The following NBPF12 variants were observed in gnomAD, a reference collection of about 807,000 sequenced individuals.
NBPF12 encodes NBPF family member NBPF12.
Under a neutral mutation model 146.4 loss-of-function variants are expected in NBPF12, and 115 were observed. The ratio of observed to expected loss-of-function variants is 0.79; its 90% CI spans 0.68 to 0.92. The LOEUF is 0.92. Among genes scored for constraint, NBPF12 ranks in the 40% least tolerant of loss-of-function variants. NBPF12 has a pLI of 0.00. For missense variants in NBPF12, 1,205 were observed against 1,326.8 expected (o/e 0.91, Z 1.43); for synonymous variants, 385 against 508.9 (o/e 0.76, Z 3.28).
At chr1:146,947,029 T>C (rs1466499366), upstream of NBPF12, among the ~76,000 whole-genome samples, 1 of 151,986 alleles carries the variant, frequency 6.6e-6, no homozygotes, top group Non-Finnish European at 1.5e-5. Flanking sequence ...TCCATGCATC[T>C]ATTTGTGTGT....
At chr1:146,971,204 A>T (rs1553886355) in exon 13 of NBPF12, 4 of 1,609,348 alleles carry the variant, frequency 2.5e-6, no homozygotes, top group Non-Finnish European at 3.4e-6. Context: ...AGGCTGAAGA[A>T]AGCAAAGTCC....
chr1:146,966,372 C>T (rs1656210730), intron 8 of NBPF12, 92 bp from the exon 12 acceptor site: 1 of 1,110,232 alleles, frequency 9.0e-7, no homozygotes, highest in East Asian at 2.3e-5. Context: ...AATAAGTACA[C>T]AAGGCTGCCA....
intron 13 of NBPF12, among the ~76,000 whole-genome samples, chr1:146,972,086 TAAA>T (rs1187228872): frequency 7.4e-5 from 9 of 120,960 alleles, no homozygotes; most frequent in Admixed American, 1.7e-4. Flanking sequence ...AGACTCCATC[TAAA>T]AAAAAAAAAA....
chr1:146,957,876 A>T (rs1341157299), intron 2 of NBPF12, among the ~76,000 whole-genome samples: 2 of 54,782 alleles, frequency 3.7e-5, no homozygotes, highest in Admixed American at 4.3e-4. Context: ...TATATATTGT[A>T]TATTATGTAT....
intron 13 of NBPF12, among the ~76,000 whole-genome samples, chr1:146,971,725 T>A (rs1332147245): frequency 6.6e-6 from 1 of 150,722 alleles, no homozygotes; most frequent in Non-Finnish European, 1.5e-5. Context: ...ATCCTCCCAC[T>A]CTCGTTCACT....
rs1440335481 is a variant in NBPF12 at position 146,960,849 on chromosome 1, C to T, written c.175+531C>T. Among the ~76,000 whole-genome samples the T allele has an allele frequency of 3.0e-3, 461 of 152,080 alleles. 8 individuals are homozygous for T. The highest frequency in any genetic ancestry group is 0.011 in the African/African-American group (442 of 41,402). ...CTGTGCTATCTATAAGTGACAGCAT[C>T]AAGAGCAGGGAGTAGGGGCCGTGCA... On this transcript the variant is annotated intron_variant, in intron 4 of 33. Transcript: ENST00000617844.
At chr1:146,949,150 G>A (rs1434707100), upstream of NBPF12, among the ~76,000 whole-genome samples, 30 of 152,102 alleles carry the variant, frequency 2.0e-4, no homozygotes, top group Middle Eastern at 3.4e-3. Flanking sequence ...TGGGTCCTCC[G>A]GCATGGGTCC....
chr1:146,951,250 C>T (rs1304329792), intron 1 of NBPF12, 98 bp from the exon 5 acceptor site: 1 of 680,804 alleles, frequency 1.5e-6, no homozygotes, highest in Non-Finnish European at 2.6e-6. Flanking sequence ...CTCAAGTGAA[C>T]AGGGCATGGG....
intron 10 of NBPF12, among the ~76,000 whole-genome samples, chr1:146,968,784 T>C (rs1378359871): frequency 6.6e-6 from 1 of 151,432 alleles, no homozygotes; most frequent in Non-Finnish European, 1.5e-5. Context: ...TAATTGTTGA[T>C]GTGAAATTTA....
intron 14 of NBPF12, among the ~76,000 whole-genome samples, chr1:146,974,247 A>C (rs1440400155): frequency 2.0e-5 from 3 of 146,406 alleles, no homozygotes; most frequent in Non-Finnish European, 4.4e-5. Context: ...TGATTCTTAA[A>C]ATCATAACTG....
intron 31 of NBPF12, among the ~76,000 whole-genome samples, chr1:146,992,437 TCTCTCTC>T (rs1658235046): frequency 1.3e-5 from 1 of 76,986 alleles, no homozygotes; most frequent in African/African-American, 6.1e-5. Context: ...GAGCTCGTTC[TCTCTCTC>T]TCTCTCTCTC....
At position 146,982,602 on chromosome 1, in the gene NBPF12, C is replaced by G. The variant is rs1272390310; in HGVS notation, c.2451-326C>G. Among the ~76,000 whole-genome samples the G allele has an allele frequency of 4.6e-5, 7 of 151,882 alleles. No homozygotes were observed. The East Asian group carries it at 1.4e-3, about 30-fold the overall frequency. ...CTTGAATGCTGCGTGTAAAATTCAA[C>G]CCAATTTATGCAAAGTAGTTGAAGC... On this transcript the variant is annotated intron_variant, in intron 19 of 33. Coordinates refer to ENST00000617844, the Ensembl canonical transcript of NBPF12.
At chr1:146,948,830 T>C (rs1553883607), upstream of NBPF12, among the ~76,000 whole-genome samples, 2,662 of 151,596 alleles carry the variant, frequency 0.018, 35 homozygotes, top group Non-Finnish European at 0.029. Context: ...CCCTGGGCAA[T>C]GGAATGTCTC....
chr1:146,978,649 C>T (rs1235653145), intron 18 of NBPF12, among the ~76,000 whole-genome samples: 15 of 151,388 alleles, frequency 9.9e-5, no homozygotes, highest in Admixed American at 2.0e-4. Context: ...ATTGCAGCAA[C>T]ATTCTTAGAA....
intron 4 of NBPF12, 109 bp from the exon 8 acceptor site, chr1:146,962,052 C>T (rs1301611990): frequency 7.4e-4 from 675 of 906,730 alleles, no homozygotes; most frequent in Non-Finnish European, 1.1e-3. Context: ...GACCCTGGTA[C>T]TGGGGAGAGT....
chr1:146,949,813 A>G (rs1465876543), intron 1 of NBPF12, among the ~76,000 whole-genome samples: 1 of 151,914 alleles, frequency 6.6e-6, no homozygotes, highest in East Asian at 1.9e-4. Flanking sequence ...CTCTGACTCC[A>G]GAGGCCACGT....
chr1:146,994,715 A>T (rs1658434716), exon 34 of NBPF12: 3 of 1,414,800 alleles, frequency 2.1e-6, no homozygotes, highest in Non-Finnish European at 2.8e-6. Context: ...CTATTCTCAG[A>T]GCATGCCAGT....
Position 146,994,375 on chromosome 1 carries a change from C to T in NBPF12, c.4174C>T (p.Gln1392Ter), listed in dbSNP as rs782651291. The T allele has an allele frequency of 9.6e-5, 154 of 1,612,250 alleles. No homozygotes were observed. Among genetic ancestry groups the T allele is most frequent in the Non-Finnish European group, 1.2e-4 (146 of 1,179,842 alleles). Residue 1392 changes from glutamine (Q) to a stop codon, truncating the protein, a stop_gained, in exon 34 of 34, where the codon CAG (glutamine) becomes TAG (stop). Transcript: ENST00000617844. LOFTEE classifies it high-confidence loss of function. ...GGAAGTGGAAGAGCCTGAAGTCTTGCAGGACTCACTGGATAGATGTTATTC... is the reference window on the plus strand; with the variant it reads ...GGAAGTGGAAGAGCCTGAAGTCTTGTAGGACTCACTGGATAGATGTTATTC...
exon 34 of NBPF12, chr1:146,994,834 C>T (rs1157264588): frequency 4.3e-6 from 3 of 698,164 alleles, no homozygotes; most frequent in East Asian, 3.3e-5. Context: ...TAATTTGAAC[C>T]ATGTATCTCT....
Sources: gnomAD v4.1 joint callset for allele counts (sites outside exome capture counted in the v4.1 genomes callset) on GRCh38, gnomAD v4.1.1 for gene constraint, MANE v1.5 for transcripts, NCBI Gene and HGNC (gene_info 2026-07-23, HGNC 2026-07-21) for gene names.